RAB3C: variants seen among roughly 807,000 people sequenced by gnomAD.
The protein encoded by RAB3C is ras-related protein Rab-3C.
RAB3C carries 17 observed loss-of-function variants against 26.4 expected under a neutral mutation model. The observed-to-expected ratio is 0.64, with a 90% CI of 0.44 to 0.97. The LOEUF (loss-of-function observed/expected upper bound fraction) is 0.97. Among genes scored for constraint, RAB3C ranks in the 50% least tolerant of loss-of-function variants. The probability of loss-of-function intolerance (pLI) is 0.00; values close to 1 mark genes in which losing one functional copy is unlikely to be tolerated. For synonymous variants in RAB3C, 91 were observed against 95.9 expected, an observed-to-expected ratio of 0.95 and a Z score of 0.30; for missense variants, 242 against 281.9, an observed-to-expected ratio of 0.86 and a Z score of 1.01.
At chr5:58,818,608 C>A (rs1450757313) in intron 3 of RAB3C, among the ~76,000 whole-genome samples, 1 of 152,170 alleles carries the variant, frequency 6.6e-6, no homozygotes, top group East Asian at 1.9e-4. Context: ...GCAGAGTAAC[C>A]ATGGTGACCA....
At chr5:58,801,127 C>G (rs1051238607) in intron 3 of RAB3C, among the ~76,000 whole-genome samples, 1 of 139,208 alleles carries the variant, frequency 7.2e-6, no homozygotes, top group African/African-American at 2.7e-5. Flanking sequence ...AGACCTCTTC[C>G]TTCTTACCAG....
intron 3 of RAB3C, among the ~76,000 whole-genome samples, chr5:58,788,831 A>G (rs915389800): frequency 9.9e-5 from 15 of 152,192 alleles, no homozygotes; most frequent in African/African-American, 3.6e-4. Context: ...GAAATCTCAC[A>G]TTTTGGATAA....
chr5:58,621,825 C>T (rs1746947248), intron 2 of RAB3C, among the ~76,000 whole-genome samples: 1 of 152,172 alleles, frequency 6.6e-6, no homozygotes, highest in Non-Finnish European at 1.5e-5. Context: ...ATCCACTCGC[C>T]TCAGCCTCCC....
chr5:58,800,288 T>C (rs1742774253), intron 3 of RAB3C, among the ~76,000 whole-genome samples: 1 of 152,192 alleles, frequency 6.6e-6, no homozygotes, highest in Non-Finnish European at 1.5e-5. Context: ...CTACATTTAG[T>C]TTTTGAATTT....
rs1187438960 is a variant in RAB3C at position 58,704,997 on chromosome 5, G to A, written c.253-21005G>A. 4.6e-5 allele frequency among the ~76,000 whole-genome samples: 7 copies of A among 152,220 alleles called. No individual in the cohort carries two copies. The East Asian group carries it at 1.3e-3, about 29-fold the overall frequency. ...TATGAATGGTAGATTCAAAGTGAGT[G>A]ATAATGCAATGTTATATTCAGAGAC... is the stretch of plus-strand genomic sequence containing the variant. On this transcript the variant is annotated intron_variant, in intron 2 of 4. Coordinates refer to ENST00000282878, the MANE Select transcript of RAB3C (RefSeq NM_138453.4).
chr5:58,732,152 C>G (rs1487240855), intron 3 of RAB3C, among the ~76,000 whole-genome samples: 1 of 148,992 alleles, frequency 6.7e-6, no homozygotes, highest in Non-Finnish European at 1.5e-5. Context: ...GCACATTGTA[C>G]AGGTTAGTTA....
chr5:58,678,556 T>G (rs1748276881), intron 2 of RAB3C, among the ~76,000 whole-genome samples: 1 of 152,196 alleles, frequency 6.6e-6, no homozygotes, highest in Non-Finnish European at 1.5e-5. Flanking sequence ...ATATATTGTT[T>G]ATATTTTAAC....
chr5:58,691,549 T>C (rs1325756983), intron 2 of RAB3C, among the ~76,000 whole-genome samples: 3 of 151,656 alleles, frequency 2.0e-5, no homozygotes, highest in South Asian at 4.1e-4. Context: ...AAGGAGAAAA[T>C]GTGGGTAATT....
chr5:58,662,961 G>C, intron 2 of RAB3C, among the ~76,000 whole-genome samples: 1 of 150,428 alleles, frequency 6.6e-6, no homozygotes, highest in Non-Finnish European at 1.5e-5. Context: ...CTATGATCCT[G>C]TCAATGTTGT....
intron 2 of RAB3C, chr5:58,644,250 A>T (rs1391612682): frequency 6.6e-6 from 1 of 152,214 alleles, no homozygotes; most frequent in Non-Finnish European, 1.5e-5. Context: ...TAAGATTAAG[A>T]ATATGGATTC....
chr5:58,702,229 A>C (rs1327931277), intron 2 of RAB3C, among the ~76,000 whole-genome samples: 1 of 152,188 alleles, frequency 6.6e-6, no homozygotes, highest in Non-Finnish European at 1.5e-5. Flanking sequence ...GTTATAGCCT[A>C]TTAATTTGTA....
chr5:58,675,866 C>T (rs952924990), intron 2 of RAB3C, among the ~76,000 whole-genome samples: 9 of 152,070 alleles, frequency 5.9e-5, no homozygotes, highest in Non-Finnish European at 8.8e-5. Flanking sequence ...TCAGCTTTCC[C>T]CTCTGGTCTC....
intron 2 of RAB3C, among the ~76,000 whole-genome samples, chr5:58,674,283 T>C (rs1160144965): frequency 3.9e-5 from 6 of 152,238 alleles, no homozygotes; most frequent in Non-Finnish European, 8.8e-5. Context: ...CTTCGAGGCA[T>C]CATTTCTCTC....
At chr5:58,734,259 A>G (rs1195303212) in intron 3 of RAB3C, among the ~76,000 whole-genome samples, 1 of 152,088 alleles carries the variant, frequency 6.6e-6, no homozygotes, top group Non-Finnish European at 1.5e-5. Flanking sequence ...TCTTAAATTA[A>G]GGTTACTTCA....
intron 2 of RAB3C, among the ~76,000 whole-genome samples, chr5:58,634,283 G>T (rs1193315073): frequency 6.6e-6 from 1 of 152,102 alleles, no homozygotes; most frequent in Non-Finnish European, 1.5e-5. Flanking sequence ...AAAGTTTAAA[G>T]AAATATTATA....
At chr5:58,702,714 A>G (rs1161781503) in intron 2 of RAB3C, among the ~76,000 whole-genome samples, 1 of 152,036 alleles carries the variant, frequency 6.6e-6, no homozygotes, top group African/African-American at 2.4e-5. Context: ...TCATTCTAAA[A>G]GAAAGATAAT....
At chr5:58,648,897 G>A (rs1747583993) in intron 2 of RAB3C, among the ~76,000 whole-genome samples, 1 of 152,102 alleles carries the variant, frequency 6.6e-6, no homozygotes, top group South Asian at 2.1e-4. Context: ...CTGTCTTATG[G>A]CTTGTGGCTA....
intron 3 of RAB3C, among the ~76,000 whole-genome samples, chr5:58,766,989 G>A (rs973754610): frequency 6.6e-6 from 1 of 151,334 alleles, no homozygotes; most frequent in African/African-American, 2.4e-5. Flanking sequence ...TAAAGCACAA[G>A]TGTATACCCA....
chr5:58,652,236 C>G (rs1747668685), intron 2 of RAB3C, among the ~76,000 whole-genome samples: 1 of 151,410 alleles, frequency 6.6e-6, no homozygotes, highest in South Asian at 2.1e-4. Flanking sequence ...AAGGAATTGT[C>G]CCATAAAGTA....
Sources: gnomAD v4.1 joint callset for allele counts (sites outside exome capture counted in the v4.1 genomes callset) on GRCh38, gnomAD v4.1.1 for gene constraint, MANE v1.5 for transcripts, NCBI Gene and HGNC (gene_info 2026-07-23, HGNC 2026-07-21) for gene names.